Variants in CDH4 observed in about 807,000 individuals in gnomAD.
CDH4 encodes the protein cadherin 4, also known as cadherin-4.
CDH4 carries 33 observed loss-of-function variants against 86.0 expected under a neutral mutation model. The observed-to-expected ratio is 0.38, with a 90% CI of 0.29 to 0.51. The LOEUF (loss-of-function observed/expected upper bound fraction) is 0.51, where lower values mean the gene tolerates loss of function less well. Ranked by LOEUF, CDH4 falls within the 20% of genes least tolerant of loss-of-function variation. The pLI, the probability that CDH4 is intolerant of heterozygous loss-of-function variation, is 0.86. For synonymous variants in CDH4, 555 were observed against 549.4 expected, an observed-to-expected ratio of 1.01 and a Z score of -0.14; for missense variants, 1,114 against 1,307.4, an observed-to-expected ratio of 0.85 and a Z score of 2.28.
intron 2 of CDH4, among the ~76,000 whole-genome samples, chr20:61,282,690 G>A (rs546498804): frequency 1.3e-5 from 2 of 152,332 alleles, no homozygotes; most frequent in East Asian, 1.9e-4. Context: ...GTGGCTGTGG[G>A]ATGTTCAGAT....
rs564260445 is a variant in CDH4, at chr20:61,510,089, A to T, written c.170-233474A>T. On this transcript the variant is annotated intron_variant, in intron 2 of 15. Coordinates refer to ENST00000614565, the MANE Select transcript of CDH4 (RefSeq NM_001794.5). This position sits in a 1 kb window ranked among gnomAD's most constrained non-coding sequence, Gnocchi z 4.2. ...ATTTGAAATGTTCTATTGAAAGTCT[A>T]TGTAACTCTGTGAGTGTTTTCCAGT... Among the ~76,000 whole-genome samples the T allele has an allele frequency of 6.6e-6, 1 of 152,222 alleles. No individual in the cohort carries two copies. The highest frequency in any genetic ancestry group is 2.4e-5 in the African/African-American group (1 of 41,460).
chr20:61,631,701 G>C (rs2086890211), intron 2 of CDH4, among the ~76,000 whole-genome samples: 1 of 152,222 alleles, frequency 6.6e-6, no homozygotes, highest in Admixed American at 6.5e-5. Flanking sequence ...GCACCTCTGA[G>C]ATTCTGACTC....
At chr20:61,525,007 A>AG (rs1345670755) in intron 2 of CDH4, among the ~76,000 whole-genome samples, 1 of 152,234 alleles carries the variant, frequency 6.6e-6, no homozygotes, top group Non-Finnish European at 1.5e-5. Context: ...GGGACCCACC[A>AG]GCTGGCTTCA....
intron 2 of CDH4, among the ~76,000 whole-genome samples, chr20:61,388,687 G>T (rs964679831): frequency 6.6e-6 from 1 of 152,222 alleles, no homozygotes; most frequent in African/African-American, 2.4e-5. Flanking sequence ...TTTAAAGCTA[G>T]CACAGACAGC....
At chr20:61,357,516 C>G (rs1160211486) in intron 2 of CDH4, among the ~76,000 whole-genome samples, 2 of 152,180 alleles carry the variant, frequency 1.3e-5, no homozygotes, top group African/African-American at 4.8e-5. Context: ...GTGATGAACT[C>G]TTTATGTTTC....
chr20:61,326,201 C>T (rs865945222), intron 2 of CDH4, among the ~76,000 whole-genome samples: 2 of 152,190 alleles, frequency 1.3e-5, no homozygotes, highest in South Asian at 2.1e-4. Context: ...GCATACTTCT[C>T]CACCGCACTG....
chr20:61,372,899 G>A (rs549036093), intron 2 of CDH4, among the ~76,000 whole-genome samples: 1 of 152,382 alleles, frequency 6.6e-6, no homozygotes, highest in South Asian at 2.1e-4. Flanking sequence ...TTCAAAGGGC[G>A]GAGGCCTCAG....
At chr20:61,858,376 T>C (rs1465954347) in intron 6 of CDH4, among the ~76,000 whole-genome samples, 1 of 151,516 alleles carries the variant, frequency 6.6e-6, no homozygotes, top group African/African-American at 2.4e-5. Flanking sequence ...TCTCTGTGTC[T>C]GTATGTGTAT....
At chr20:61,441,256 A>G (rs1174823749) in intron 2 of CDH4, among the ~76,000 whole-genome samples, 1 of 152,192 alleles carries the variant, frequency 6.6e-6, no homozygotes, top group African/African-American at 2.4e-5. Flanking sequence ...AAAGGACTAA[A>G]TTTCAGAATC....
intron 4 of CDH4, among the ~76,000 whole-genome samples, chr20:61,830,995 A>G (rs1981580592): frequency 6.6e-6 from 1 of 152,060 alleles, no homozygotes; most frequent in African/African-American, 2.4e-5. Context: ...GAAGGCCTCG[A>G]GGGCAGGGAA....
Position 61,773,143 on chromosome 20 carries a change from C to G in CDH4, c.537C>G (p.Pro179=), listed in dbSNP as rs774837151. The change falls in exon 4 of 16, where the codon CCC becomes CCG. Residue 179 remains proline (P), a synonymous_variant. Transcript: ENST00000614565. ...GGGTCATCCCGCCCATCAACGTGCCCGAGAACTCGCGCGGGCCCTTCCCGC... is the reference window on the plus strand; with the variant it reads ...GGGTCATCCCGCCCATCAACGTGCCGGAGAACTCGCGCGGGCCCTTCCCGC... ...RDWVIPPINV[P]ENSRGPFPQQ... The G allele has an allele frequency of 1.9e-5, 30 of 1,599,196 alleles. No individual in the cohort carries two copies. Among genetic ancestry groups the G allele is most frequent in the African/African-American group, 4.0e-5 (3 of 74,758 alleles).
chr20:61,294,668 C>T (rs1462831694), intron 2 of CDH4, among the ~76,000 whole-genome samples: 1 of 152,214 alleles, frequency 6.6e-6, no homozygotes, highest in African/African-American at 2.4e-5. Flanking sequence ...CGCAGGGCCC[C>T]TGTCGCCCAC....
chr20:61,874,827 C>G lies in CDH4; in HGVS notation c.1050+927C>G, dbSNP rs544255281. Among the ~76,000 whole-genome samples, 30 of 152,336 alleles carry G rather than the reference C, an allele frequency of 2.0e-4. No individual in the cohort carries two copies. In the South Asian group the frequency reaches 5.4e-3, roughly 27 times the overall value. ...TCTGAGGCATTTGGCTCCCAGGAGC[C>G]GGTAGAGCCACCTCGCTGGGCTCAC... On this transcript the variant is annotated intron_variant, in intron 7 of 15. Transcript: ENST00000614565.
intron 2 of CDH4, among the ~76,000 whole-genome samples, chr20:61,332,168 G>A (rs1411933295): frequency 1.3e-5 from 2 of 152,172 alleles, no homozygotes; most frequent in South Asian, 4.1e-4. Context: ...CAGCCTGCCC[G>A]TGGCCCTCAC....
chr20:61,894,002 G>T (rs1288692117), intron 7 of CDH4, among the ~76,000 whole-genome samples: 3 of 152,170 alleles, frequency 2.0e-5, no homozygotes, highest in Non-Finnish European at 4.4e-5. Flanking sequence ...TAACCTCTTA[G>T]AGAAGCACGA....
At chr20:61,376,369 G>T (rs2084872506) in intron 2 of CDH4, among the ~76,000 whole-genome samples, 1 of 152,132 alleles carries the variant, frequency 6.6e-6, no homozygotes, top group Non-Finnish European at 1.5e-5. Context: ...AGGAGGGCAA[G>T]AGGAGCCGGA....
chr20:61,694,050 A>C (rs74738398), intron 2 of CDH4, among the ~76,000 whole-genome samples: 1,729 of 151,608 alleles, frequency 0.011, 36 homozygotes, highest in African/African-American at 0.039. Context: ...CCGCCATGAC[A>C]CCCAGCTAAT....
chr20:61,890,568 G>A (rs1440210913), intron 7 of CDH4, among the ~76,000 whole-genome samples: 1 of 151,826 alleles, frequency 6.6e-6, no homozygotes, highest in South Asian at 2.1e-4. Flanking sequence ...GATGATGCAT[G>A]ATGGATGTGC....
intron 2 of CDH4, among the ~76,000 whole-genome samples, chr20:61,620,462 A>G (rs2086767195): frequency 6.6e-6 from 1 of 151,950 alleles, no homozygotes; most frequent in African/African-American, 2.4e-5. Flanking sequence ...TGATTGATAG[A>G]TGATGGATGG....
Sources: gnomAD v4.1 joint callset for allele counts (sites outside exome capture counted in the v4.1 genomes callset) on GRCh38, gnomAD v4.1.1 for gene constraint, Gnocchi (gnomAD v3.1) non-coding constraint, MANE v1.5 for transcripts, NCBI Gene and HGNC (gene_info 2026-07-23, HGNC 2026-07-21) for gene names.